DPYD: variants seen among roughly 807,000 people sequenced by gnomAD.
The protein encoded by DPYD is dihydropyrimidine dehydrogenase.
In DPYD, 109 loss-of-function variants were observed where a neutral mutation model predicts 116.2. The observed-to-expected ratio is 0.94, with a 90% CI of 0.80 to 1.10. The LOEUF is 1.10. Ranked by LOEUF, DPYD falls within the 50% of genes least tolerant of loss-of-function variation. The probability of loss-of-function intolerance (pLI) is 0.00; values close to 1 mark genes in which losing one functional copy is unlikely to be tolerated. For synonymous variants in DPYD, 440 were observed against 432.0 expected (o/e 1.02, Z -0.23); for missense variants, 1,302 against 1,254.5 (o/e 1.04, Z -0.57).
intron 16 of DPYD, among the ~76,000 whole-genome samples, chr1:97,320,171 A>G (rs1451383639): frequency 7.9e-6 from 1 of 126,526 alleles, no homozygotes; most frequent in African/African-American, 2.9e-5. Context: ...GAAAACTGGC[A>G]CAAGACAGGG....
At chr1:97,693,489 A>G (rs747192411) in intron 6 of DPYD, among the ~76,000 whole-genome samples, 1 of 152,030 alleles carries the variant, frequency 6.6e-6, no homozygotes. Flanking sequence ...CCTCAAGGTA[A>G]CAAGAATGTG....
chr1:97,529,817 CCTTTT>C (rs770736209), intron 12 of DPYD, among the ~76,000 whole-genome samples: 6 of 140,684 alleles, frequency 4.3e-5, no homozygotes, highest in South Asian at 2.3e-4. Context: ...TCTTTCCTTT[CCTTTT>C]CTTTTTCTCT....
rs116585723 is a variant in DPYD, at chr1:97,105,107, T to G, written c.2623-6475A>C. On this transcript the variant is annotated intron_variant, in intron 20 of 22. Coordinates refer to ENST00000370192, the MANE Select transcript of DPYD (RefSeq NM_000110.4). ...CAATTTAAATAACTCATATCAGGTC[T>G]CTCTTTAAAAACTGTCATTTTTTAA... 4.5e-3 allele frequency among the ~76,000 whole-genome samples: 685 copies of G among 152,210 alleles called. 7 individuals are homozygous for G. The highest frequency in any genetic ancestry group is 0.016 in the African/African-American group (648 of 41,540).
chr1:97,182,335 T>G (rs879573010), intron 20 of DPYD, among the ~76,000 whole-genome samples: 3 of 152,172 alleles, frequency 2.0e-5, no homozygotes, highest in African/African-American at 7.2e-5. Flanking sequence ...GATTAAGTCT[T>G]CATAACATTT....
intron 4 of DPYD, among the ~76,000 whole-genome samples, chr1:97,735,654 C>T (rs1451272095): frequency 6.7e-6 from 1 of 150,270 alleles, no homozygotes; most frequent in African/African-American, 2.4e-5. Context: ...CGCCACTGCA[C>T]TTCAGCCTGG....
At chr1:97,777,576 C>T (rs1666482734) in intron 3 of DPYD, among the ~76,000 whole-genome samples, 1 of 152,178 alleles carries the variant, frequency 6.6e-6, no homozygotes, top group Non-Finnish European at 1.5e-5. Flanking sequence ...AACCCTAGAA[C>T]ACAGGTCTTC....
At chr1:97,518,839 C>G (rs1413806913) in intron 12 of DPYD, among the ~76,000 whole-genome samples, 1 of 151,894 alleles carries the variant, frequency 6.6e-6, no homozygotes, top group South Asian at 2.1e-4. Flanking sequence ...AATTTATTGA[C>G]ATGAAAGAGG....
At chr1:97,595,399 C>A (rs185060708) in intron 8 of DPYD, among the ~76,000 whole-genome samples, 1 of 151,720 alleles carries the variant, frequency 6.6e-6, no homozygotes, top group Admixed American at 6.6e-5. Context: ...TTAATGTATA[C>A]CTATAAATAT....
At chr1:97,492,584 C>T (rs917023506) in intron 13 of DPYD, among the ~76,000 whole-genome samples, 2 of 152,086 alleles carry the variant, frequency 1.3e-5, no homozygotes, top group Non-Finnish European at 2.9e-5. Flanking sequence ...TTTTAAAATG[C>T]TTTTGTTTCT....
At chr1:97,295,432 A>G (rs548558538) in intron 18 of DPYD, 1 of 125,916 alleles carries the variant, frequency 7.9e-6, no homozygotes, top group African/African-American at 2.7e-5. Context: ...TTATAAATCT[A>G]TAAATAACTT....
At chr1:97,399,680 A>G (rs1457949536) in intron 14 of DPYD, among the ~76,000 whole-genome samples, 3 of 152,072 alleles carry the variant, frequency 2.0e-5, no homozygotes, top group Non-Finnish European at 2.9e-5. Flanking sequence ...TGTAAGTTGG[A>G]TTCCTAGGTA....
At chr1:97,441,129 G>T (rs1675773317) in intron 14 of DPYD, among the ~76,000 whole-genome samples, 1 of 151,726 alleles carries the variant, frequency 6.6e-6, no homozygotes, top group Non-Finnish European at 1.5e-5. Flanking sequence ...TTTATCACTG[G>T]TTTGATTAAT....
chr1:97,402,526 T>A lies in DPYD; in HGVS notation c.1906-20065A>T, dbSNP rs1473496608. 6.6e-5 allele frequency among the ~76,000 whole-genome samples: 10 copies of A among 152,228 alleles called. No individual in the cohort carries two copies. In the South Asian group the frequency reaches 1.2e-3, roughly 19 times the overall value. ...TACAGGATATTTTTTGGTCAATTCT[T>A]TCTGATTTTCTATGTACACAATAAT... On this transcript the variant is annotated intron_variant, in intron 14 of 22. Coordinates refer to ENST00000370192, the MANE Select transcript of DPYD (RefSeq NM_000110.4).
intron 14 of DPYD, among the ~76,000 whole-genome samples, chr1:97,414,367 G>A (rs1337302024): frequency 6.6e-6 from 1 of 152,194 alleles, no homozygotes; most frequent in Non-Finnish European, 1.5e-5. Context: ...TAGATGCTGT[G>A]AAGCTCAGTA....
At chr1:97,141,129 C>T (rs773557496) in intron 20 of DPYD, among the ~76,000 whole-genome samples, 3 of 152,086 alleles carry the variant, frequency 2.0e-5, no homozygotes, top group African/African-American at 4.8e-5. Context: ...ATAGTGATCT[C>T]GCTTCATGTA....
intron 14 of DPYD, among the ~76,000 whole-genome samples, chr1:97,444,803 T>C (rs1475067843): frequency 6.6e-6 from 1 of 152,166 alleles, no homozygotes; most frequent in East Asian, 1.9e-4. Context: ...AAACTCTTTA[T>C]AGAATACAGA....
chr1:97,900,829 C>T (rs1201681966), intron 1 of DPYD, among the ~76,000 whole-genome samples: 2 of 151,726 alleles, frequency 1.3e-5, no homozygotes, highest in South Asian at 2.1e-4. Flanking sequence ...TCCCTCCCTC[C>T]TATCAAGCCG....
At chr1:97,504,964 A>T (rs749490017) in intron 13 of DPYD, among the ~76,000 whole-genome samples, 27 of 151,928 alleles carry the variant, frequency 1.8e-4, no homozygotes, top group Admixed American at 5.9e-4. Flanking sequence ...AAGAGCTCAG[A>T]CAATGGAGAG....
chr1:97,654,825 T>C (rs1209568088), intron 8 of DPYD, among the ~76,000 whole-genome samples: 2 of 152,156 alleles, frequency 1.3e-5, no homozygotes, highest in African/African-American at 2.4e-5. Flanking sequence ...GGAATCGCAG[T>C]TCCATGTGGA....
Sources: allele counts gnomAD v4.1 joint callset (sites outside exome capture counted in the v4.1 genomes callset), GRCh38; gene constraint gnomAD v4.1.1; transcripts MANE v1.5; gene names NCBI Gene and HGNC (gene_info 2026-07-23, HGNC 2026-07-21).